Variants in ABCC8 observed in about 807,000 individuals in gnomAD.
ABCC8 encodes the protein ATP-binding cassette sub-family C member 8.
Under a neutral mutation model 188.0 loss-of-function variants are expected in ABCC8, and 137 were observed. The ratio of observed to expected loss-of-function variants is 0.73; its 90% CI spans 0.63 to 0.84. The LOEUF (loss-of-function observed/expected upper bound fraction) is 0.84. Ranked by LOEUF, ABCC8 falls within the 40% of genes least tolerant of loss-of-function variation. The pLI is 0.00. For missense variants in ABCC8, 1,750 were observed against 2,072.7 expected, an observed-to-expected ratio of 0.84 and a Z score of 3.02; for synonymous variants, 797 against 846.5, an observed-to-expected ratio of 0.94 and a Z score of 1.01.
Position 17,413,388 on chromosome 11 carries a change from A to C in ABCC8, c.2475+6T>G. 6.2e-7 allele frequency: 1 copy of C among 1,614,172 alleles called. No homozygotes were observed. Among genetic ancestry groups the C allele is most frequent in the Non-Finnish European group, 8.5e-7 (1 of 1,180,024 alleles). ...TTGAAAAAACCCCTCAGAGGCTGCT[A>C]CTAACCCGTTCCCCAATCTGGGTCT... On this transcript the variant is annotated splice_donor_region_variant and intron_variant, in intron 20 of 38. Transcript: ENST00000389817.
intron 6 of ABCC8, among the ~76,000 whole-genome samples, chr11:17,456,209 G>C (rs992878216): frequency 6.6e-6 from 1 of 152,176 alleles, no homozygotes; most frequent in Non-Finnish European, 1.5e-5. Context: ...GAAGAATTGT[G>C]TTTGTTTCCA....
rs1297392524 is a variant in ABCC8 at position 17,416,958 on chromosome 11, G to A, written c.2227C>T (p.Pro743Ser). The A allele has an allele frequency of 1.2e-6, 2 of 1,613,918 alleles. No homozygotes were observed. Among genetic ancestry groups the A allele is most frequent in the African/African-American group, 1.3e-5 (1 of 74,840 alleles). ...GGGTCCTCTCCTATCTCGCTGTCAG[G>A]AAGGCTGCTGGGACACAAATGGGAC... is the stretch of plus-strand genomic sequence containing the variant. ...VSGAVFWSSL[P>S]DSEIGEDPSP... The change falls in exon 17 of 39, where the codon CCT becomes TCT. Residue 743 changes from proline to serine, a missense_variant. Pro to Ser is a moderately conservative substitution (Grantham distance 74). Transcript: ENST00000389817.
At chr11:17,440,859 C>A (rs149906056) in intron 10 of ABCC8, among the ~76,000 whole-genome samples, 1 of 152,316 alleles carries the variant, frequency 6.6e-6, no homozygotes, top group East Asian at 1.9e-4. Context: ...TGCCTTGGTG[C>A]CCATGTTTCC....
chr11:17,429,720 G>A (rs1174668479), intron 12 of ABCC8: 5 of 152,216 alleles, frequency 3.3e-5, no homozygotes, highest in Non-Finnish European at 5.9e-5. Context: ...CATAGGGCTG[G>A]AGAGTGGGTG....
At chr11:17,395,487 G>A (rs1953868351) in intron 35 of ABCC8, 123 bp downstream of exon 35, 2 of 1,468,272 alleles carry the variant, frequency 1.4e-6, no homozygotes, top group Non-Finnish European at 1.8e-6. Context: ...GGATGGAGAA[G>A]GGCATGAGCA....
Position 17,475,002 on chromosome 11 carries a change from C to T in ABCC8, c.174G>A (p.Val58=), listed in dbSNP as rs1359486359. Residue 58 remains valine (V), a synonymous_variant, in exon 2 of 39, where the codon GTG becomes GTA. Transcript: ENST00000389817. ...GAAGCCATGTGCTGTGGTGGATGTG[C>T]ACCTTGGAGCTCTGACTTCCCCATC... The part of the protein sequence containing the change: ...FIGWGSQSSK[V]HIHHSTWLHF... The T allele has an allele frequency of 1.9e-6, 3 of 1,614,028 alleles. No individual in the cohort carries two copies. The highest frequency in any genetic ancestry group is 1.7e-6 in the Non-Finnish European group (2 of 1,180,028).
intron 6 of ABCC8, among the ~76,000 whole-genome samples, chr11:17,459,004 A>G (rs1957093103): frequency 6.6e-6 from 1 of 152,226 alleles, no homozygotes; most frequent in Non-Finnish European, 1.5e-5. Context: ...TGATAATAAT[A>G]GTCAATTTAG....
rs1955052255 is a variant in ABCC8, at chr11:17,415,929, GT to G, written c.2256-591del. Among the ~76,000 whole-genome samples, 5 of 152,348 alleles carry G rather than the reference GT, an allele frequency of 3.3e-5. No individual in the cohort carries two copies. In the South Asian group the frequency reaches 1.0e-3, roughly 32 times the overall value. On this transcript the variant is annotated intron_variant, in intron 17 of 38. Coordinates refer to ENST00000389817, the MANE Select transcript of ABCC8 (RefSeq NM_000352.6). ...CCAGGGATGTCAGGTGCAGTGCCATGTGCCCTGGACTGCCCAAGCTGCTCCC... is the reference window on the plus strand; with the variant it reads ...CCAGGGATGTCAGGTGCAGTGCCATGGCCCTGGACTGCCCAAGCTGCTCCC...
chr11:17,410,743 T>C (rs757595753), intron 21 of ABCC8, 90 bp from the exon 22 acceptor site: 4 of 1,567,200 alleles, frequency 2.6e-6, no homozygotes, highest in Non-Finnish European at 3.5e-6. Flanking sequence ...TAGAGTTCTA[T>C]CAACTCTGCT....
chr11:17,402,726 G>A lies in ABCC8; in HGVS notation c.3585C>T (p.Thr1195=). The part of the protein sequence containing the change: ...SRDLQQLDDT[T]QLPLLSHFAE... ...CAAAGTGTGAGAGAAGTGGAAGCTGGGTGGTGTCATCCAGCTGCTGCAGGT... is the reference window on the plus strand; with the variant it reads ...CAAAGTGTGAGAGAAGTGGAAGCTGAGTGGTGTCATCCAGCTGCTGCAGGT... The change falls in exon 29 of 39, where the codon ACC becomes ACT. Residue 1195 remains threonine, a synonymous_variant. Transcript: ENST00000389817. 6.2e-7 allele frequency: 1 copy of A among 1,614,226 alleles called. No individual in the cohort carries two copies. Among genetic ancestry groups the A allele is most frequent in the South Asian group, 1.1e-5 (1 of 91,082 alleles).
chr11:17,423,595 G>T (rs1286631537), intron 16 of ABCC8, among the ~76,000 whole-genome samples: 4 of 152,148 alleles, frequency 2.6e-5, no homozygotes, highest in African/African-American at 4.8e-5. Context: ...CCGGGCGAGA[G>T]AGCAAAGAGG....
intron 20 of ABCC8, chr11:17,412,996 G>A: frequency 1.4e-6 from 1 of 730,316 alleles, no homozygotes; most frequent in Non-Finnish European, 2.2e-6. Context: ...TACAAACAAA[G>A]ACAGAGGCAG....
At chr11:17,411,132 A>G (rs530574106) in intron 21 of ABCC8, among the ~76,000 whole-genome samples, 6 of 152,048 alleles carry the variant, frequency 3.9e-5, no homozygotes, top group African/African-American at 1.4e-4. Context: ...TCGCTCACCT[A>G]AGCACCAGTT....
intron 2 of ABCC8, among the ~76,000 whole-genome samples, chr11:17,473,820 G>A (rs79944245): frequency 0.11 from 16,009 of 152,218 alleles, 1,055 homozygotes; most frequent in South Asian, 0.21. Flanking sequence ...ACCTAAAAGT[G>A]TTATGCTGAT....
intron 21 of ABCC8, among the ~76,000 whole-genome samples, chr11:17,411,599 C>T (rs1954807702): frequency 6.6e-6 from 1 of 152,148 alleles, no homozygotes; most frequent in Admixed American, 6.5e-5. Context: ...CAAATGGCCT[C>T]CCTCTTTCCT....
chr11:17,447,155 CAA>C (rs1009905859), intron 8 of ABCC8, among the ~76,000 whole-genome samples: 1 of 152,208 alleles, frequency 6.6e-6, no homozygotes, highest in African/African-American at 2.4e-5. Context: ...TCTGCTACAT[CAA>C]GCTCTCCCGG....
intron 22 of ABCC8, among the ~76,000 whole-genome samples, chr11:17,409,260 T>A (rs1954694411): frequency 6.6e-6 from 1 of 151,980 alleles, no homozygotes; most frequent in African/African-American, 2.4e-5. Context: ...CCCGGCTCAA[T>A]AAAACTTTTT....
chr11:17,398,912 C>T, intron 29 of ABCC8: 1 of 224,534 alleles, frequency 4.5e-6, no homozygotes, highest in African/African-American at 2.3e-5. Context: ...CCATGCTCCA[C>T]ACAGTGGCTG....
chr11:17,405,383 C>G lies in ABCC8; in HGVS notation c.3399+111G>C, dbSNP rs1040150296. The G allele has an allele frequency of 2.0e-6, 3 of 1,534,150 alleles. No homozygotes were observed. In the African/African-American group the frequency reaches 4.1e-5, roughly 21 times the overall value. On this transcript the variant is annotated intron_variant, in intron 27 of 38. Coordinates refer to ENST00000389817, the MANE Select transcript of ABCC8 (RefSeq NM_000352.6). ...ATCGGATCGGGGACACTGGCTTCTT[C>G]CCAGAGGGCTGTGATCACCTGATCT...
Sources: allele counts gnomAD v4.1 joint callset (sites outside exome capture counted in the v4.1 genomes callset), GRCh38; gene constraint gnomAD v4.1.1; transcripts MANE v1.5; gene names NCBI Gene and HGNC (gene_info 2026-07-23, HGNC 2026-07-21).